The following CEP135 variants were observed in gnomAD, a reference collection of about 807,000 sequenced individuals.
The protein encoded by CEP135 is centrosomal protein of 135 kDa.
A neutral mutation model predicts 157.3 loss-of-function variants in CEP135; 142 were observed. That is an observed-to-expected ratio of 0.90 (90% CI 0.79 to 1.04). The LOEUF (loss-of-function observed/expected upper bound fraction) is 1.04. Among genes scored for constraint, CEP135 ranks in the 50% least tolerant of loss-of-function variants. The probability of loss-of-function intolerance (pLI) is 0.00; values close to 1 mark genes in which losing one functional copy is unlikely to be tolerated. For missense variants in CEP135, 1,317 were observed against 1,309.2 expected (o/e 1.01, Z -0.09); for synonymous variants, 396 against 439.8 (o/e 0.90, Z 1.25).
chr4:56,009,342 T>G (rs532529203), intron 18 of CEP135, among the ~76,000 whole-genome samples: 86 of 152,262 alleles, frequency 5.6e-4, no homozygotes, highest in African/African-American at 1.9e-3. Context: ...TTTTGTATTT[T>G]TAGTAGAGAC....
Position 56,020,792 on chromosome 4 carries a change from T to A in CEP135, c.3320+12T>A, listed in dbSNP as rs1430977375. 6.3e-7 allele frequency: 1 copy of A among 1,591,176 alleles called. No individual in the cohort carries two copies. The highest frequency in any genetic ancestry group is 1.1e-5 in the South Asian group (1 of 89,242). On this transcript the variant is annotated intron_variant, in intron 24 of 25. Transcript: ENST00000257287. ...GAAAGATACGAACGGTAAGACAAAT[T>A]TTTTTTACATTTGACAATGTTTTTA...
At chr4:56,029,094 A>G (rs1050889976) in intron 25 of CEP135, among the ~76,000 whole-genome samples, 1 of 152,232 alleles carries the variant, frequency 6.6e-6, no homozygotes, top group African/African-American at 2.4e-5. Context: ...ATTATAAAGG[A>G]TACAGATTAA....
intron 12 of CEP135, 41 bp downstream of exon 12, chr4:55,980,336 A>G (rs546379023): frequency 7.7e-7 from 1 of 1,300,276 alleles, no homozygotes; most frequent in African/African-American, 1.5e-5. Flanking sequence ...ATTGTATAGA[A>G]CCAGTTAACT....
intron 13 of CEP135, among the ~76,000 whole-genome samples, chr4:55,984,866 T>C (rs1018395762): frequency 3.9e-5 from 6 of 152,236 alleles, no homozygotes; most frequent in Admixed American, 6.5e-5. Context: ...TGTAGTATTG[T>C]GTTTCCTGTG....
chr4:55,949,308 G>T, intron 1 of CEP135, among the ~76,000 whole-genome samples: 2 of 152,166 alleles, frequency 1.3e-5, no homozygotes, highest in Non-Finnish European at 2.9e-5. Flanking sequence ...GTGGAGGAGA[G>T]CTTGGGCCGA....
At chr4:55,995,189 C>A (rs906428496) in intron 15 of CEP135, among the ~76,000 whole-genome samples, 6 of 152,144 alleles carry the variant, frequency 3.9e-5, no homozygotes, top group African/African-American at 1.4e-4. Flanking sequence ...TTTTGTCTAC[C>A]CGGGAAGGTT....
At chr4:55,973,206 C>T (rs17086211) in intron 10 of CEP135, among the ~76,000 whole-genome samples, 1,567 of 152,256 alleles carry the variant, frequency 0.01, 31 homozygotes, top group African/African-American at 0.036. Flanking sequence ...ACATGGTCAG[C>T]TGTTTGAGTG....
rs1002057522 is a variant in CEP135, at chr4:55,972,324, G to A, written c.1249+916G>A. Among the ~76,000 whole-genome samples, 3 of 152,100 alleles carry A rather than the reference G, an allele frequency of 2.0e-5. No homozygotes were observed. In the South Asian group the frequency reaches 6.2e-4, roughly 32 times the overall value. On this transcript the variant is annotated intron_variant, in intron 10 of 25. Coordinates refer to ENST00000257287, the MANE Select transcript of CEP135 (RefSeq NM_025009.5). ...TTCTTGCTAGGGAAACAAACTAATG[G>A]CACATAAATTAAGAAGTTAATTTTA... is the stretch of plus-strand genomic sequence containing the variant.
chr4:55,984,954 T>C (rs1404672032), intron 13 of CEP135, among the ~76,000 whole-genome samples: 1 of 152,230 alleles, frequency 6.6e-6, no homozygotes, highest in Non-Finnish European at 1.5e-5. Context: ...GAGCTTTTTA[T>C]TTAACCTGCT....
chr4:55,983,807 A>G (rs111569524), intron 13 of CEP135, among the ~76,000 whole-genome samples: 2 of 152,304 alleles, frequency 1.3e-5, no homozygotes, highest in African/African-American at 4.8e-5. Flanking sequence ...GGCATGAGCC[A>G]CCATGCCCGA....
chr4:56,023,871 AAT>A (rs937900965), intron 24 of CEP135, among the ~76,000 whole-genome samples: 10 of 139,710 alleles, frequency 7.2e-5, no homozygotes, highest in African/African-American at 2.6e-4. Context: ...TATATTATAT[AAT>A]ATATGATATA....
Position 56,017,830 on chromosome 4 carries a change from G to A in CEP135, c.2985G>A (p.Leu995=). The A allele has an allele frequency of 6.2e-7, 1 of 1,612,726 alleles. No individual in the cohort carries two copies. The highest frequency in any genetic ancestry group is 8.5e-7 in the Non-Finnish European group (1 of 1,179,866). The change falls in exon 22 of 26, where the codon TTG becomes TTA. Residue 995 remains leucine, a synonymous_variant. Coordinates refer to ENST00000257287, the MANE Select transcript of CEP135 (RefSeq NM_025009.5). ...DSGKDIMTQQ[L]NSKNLEFERV... ...GCAAAGATATTATGACCCAGCAATTGAATTCGAAAAACCTTGAGTTTGAGA... is the reference window on the plus strand; with the variant it reads ...GCAAAGATATTATGACCCAGCAATTAAATTCGAAAAACCTTGAGTTTGAGA...
intron 15 of CEP135, among the ~76,000 whole-genome samples, chr4:55,998,401 C>T (rs572668480): frequency 1.3e-5 from 2 of 152,314 alleles, no homozygotes; most frequent in African/African-American, 4.8e-5. Context: ...TGATCAGTAA[C>T]AGATTTCTCT....
chr4:56,029,201 G>T (rs1429721878), intron 25 of CEP135, among the ~76,000 whole-genome samples: 8 of 152,228 alleles, frequency 5.3e-5, no homozygotes, highest in African/African-American at 1.9e-4. Flanking sequence ...GCATCGCCAA[G>T]TGTTCAGCTT....
rs377738184 is a variant in CEP135 at position 55,983,463 on chromosome 4, T to C, written c.1780-1818T>C. 2.4e-3 allele frequency among the ~76,000 whole-genome samples: 366 copies of C among 152,270 alleles called. 1 individual carries two copies. The highest frequency in any genetic ancestry group is 7.5e-3 in the African/African-American group (312 of 41,552). ...AACCAGTTGTCAAATCCAAGCATCA[T>C]CCATCACTAAGATCTCCCTGAAAGC... is the stretch of plus-strand genomic sequence containing the variant. On this transcript the variant is annotated intron_variant, in intron 13 of 25. Transcript: ENST00000257287.
intron 7 of CEP135, chr4:55,965,080 A>G (rs1370722811): frequency 1.3e-5 from 2 of 152,420 alleles, no homozygotes; most frequent in African/African-American, 4.8e-5. Context: ...ATATGATATG[A>G]GCCATATATG....
intron 6 of CEP135, among the ~76,000 whole-genome samples, chr4:55,962,764 CT>C (rs1337486269): frequency 1.4e-5 from 2 of 146,926 alleles, no homozygotes; most frequent in African/African-American, 5.1e-5. Context: ...CAACTGTCCA[CT>C]CCCTGAAATA....
At chr4:55,949,923 T>A (rs1728308199) in intron 1 of CEP135, among the ~76,000 whole-genome samples, 1 of 152,200 alleles carries the variant, frequency 6.6e-6, no homozygotes. Context: ...CAAAGCAGGA[T>A]GTGAGGAGGT....
At chr4:56,010,092 G>A (rs1373219591) in intron 19 of CEP135, among the ~76,000 whole-genome samples, 189 bp downstream of exon 19, 1 of 152,080 alleles carries the variant, frequency 6.6e-6, no homozygotes, top group African/African-American at 2.4e-5. Context: ...GCTCACACCT[G>A]TAATCTTAGC....
Sources: allele counts gnomAD v4.1 joint callset (sites outside exome capture counted in the v4.1 genomes callset), GRCh38; gene constraint gnomAD v4.1.1; transcripts MANE v1.5; gene names NCBI Gene and HGNC (gene_info 2026-07-23, HGNC 2026-07-21).